Variants in STK32C observed in about 807,000 individuals in gnomAD.
STK32C encodes serine/threonine kinase 32C.
In STK32C, 31 loss-of-function variants were observed where a neutral mutation model predicts 56.5. That is an observed-to-expected ratio of 0.55 (90% CI 0.41 to 0.74). STK32C has a LOEUF of 0.74. STK32C is among the 30% of genes least tolerant of loss of function. The pLI is 0.00. For missense variants in STK32C, 544 were observed against 676.9 expected (o/e 0.80, Z 2.18); for synonymous variants, 309 against 289.4 (o/e 1.07, Z -0.69).
intron 1 of STK32C, among the ~76,000 whole-genome samples, chr10:132,248,257 G>A (rs1214073188): frequency 6.6e-6 from 1 of 152,216 alleles, no homozygotes; most frequent in Non-Finnish European, 1.5e-5. Context: ...CAGATGGGCT[G>A]AACTAGTGGA....
chr10:132,266,758 G>A (rs2138111309), intron 1 of STK32C, among the ~76,000 whole-genome samples: 1 of 151,864 alleles, frequency 6.6e-6, no homozygotes, highest in South Asian at 2.1e-4. Flanking sequence ...GGAAGGAGTG[G>A]ATCACAAATG....
In STK32C at chr10:132,318,328, T is replaced by C. The variant is rs117552292; in HGVS notation, c.301+13108A>G. 7.1e-4 allele frequency among the ~76,000 whole-genome samples: 106 copies of C among 149,912 alleles called. No homozygotes were observed. In the East Asian group the frequency reaches 0.02, roughly 28 times the overall value. ...TCTAATAAAAACGTAGGTAAAAGAC[T>C]TGGAAAACCAGGCACGGTGGCTCAC... On this transcript the variant is annotated intron_variant, in intron 1 of 3. Coordinates refer to the STK32C transcript ENST00000368620.
chr10:132,261,369 C>CA (rs1554989013), intron 1 of STK32C, among the ~76,000 whole-genome samples: 2 of 152,190 alleles, frequency 1.3e-5, no homozygotes, highest in Non-Finnish European at 2.9e-5. Flanking sequence ...ATCAAGAATA[C>CA]AATCCCATTT....
At chr10:132,217,500 G>A (rs2062508749) in intron 10 of STK32C, among the ~76,000 whole-genome samples, 2 of 152,164 alleles carry the variant, frequency 1.3e-5, no homozygotes, top group Admixed American at 1.3e-4. Flanking sequence ...GGGGACTGTT[G>A]GGAAGGCATG....
chr10:132,221,164 C>A (rs1266758862), intron 10 of STK32C, among the ~76,000 whole-genome samples: 1 of 151,868 alleles, frequency 6.6e-6, no homozygotes, highest in Non-Finnish European at 1.5e-5. Context: ...CCAAAGCCGG[C>A]ACACCTGGGC....
At chr10:132,258,657 C>T (rs1329493724) in intron 1 of STK32C, among the ~76,000 whole-genome samples, 2 of 152,266 alleles carry the variant, frequency 1.3e-5, no homozygotes, top group East Asian at 1.9e-4. Context: ...GGGCACCTAA[C>T]GCCCTGGGTA....
intron 1 of STK32C, chr10:132,249,011 T>C (rs1282391625): frequency 2.1e-6 from 1 of 465,704 alleles, no homozygotes; most frequent in Non-Finnish European, 4.3e-6. Flanking sequence ...GGCAATTGGG[T>C]CACCTGCGCC....
At chr10:132,312,054 T>C (rs973437306), upstream of STK32C, among the ~76,000 whole-genome samples, 1 of 152,180 alleles carries the variant, frequency 6.6e-6, no homozygotes, top group Non-Finnish European at 1.5e-5. Flanking sequence ...TTGCCCAGAC[T>C]GGAGTGCAGT....
chr10:132,295,603 A>G (rs1325511243), intron 1 of STK32C, among the ~76,000 whole-genome samples: 1 of 152,260 alleles, frequency 6.6e-6, no homozygotes, highest in Non-Finnish European at 1.5e-5. Flanking sequence ...GAAGAATTCC[A>G]GGCCGGGCGC....
chr10:132,220,197 C>T (rs2062590979), intron 10 of STK32C, among the ~76,000 whole-genome samples: 1 of 152,202 alleles, frequency 6.6e-6, no homozygotes, highest in Admixed American at 6.5e-5. Flanking sequence ...GCCTGGTGTC[C>T]TTATGAGAAG....
At chr10:132,327,616 C>G (rs527700233) in intron 1 of STK32C, among the ~76,000 whole-genome samples, 9 of 152,122 alleles carry the variant, frequency 5.9e-5, no homozygotes, top group African/African-American at 2.2e-4. Flanking sequence ...CCTGGAACTA[C>G]AGGTATGCAC....
chr10:132,326,957 A>G (rs952911022), intron 1 of STK32C, among the ~76,000 whole-genome samples: 1 of 152,262 alleles, frequency 6.6e-6, no homozygotes, highest in Non-Finnish European at 1.5e-5. Context: ...TGGCAGCTTC[A>G]CAATAAGGGA....
At chr10:132,281,110 T>C (rs7068692) in intron 1 of STK32C, among the ~76,000 whole-genome samples, 147,996 of 151,212 alleles carry the variant, frequency 0.98, 72,442 homozygotes, top group East Asian at 1. Context: ...TCCATGATCA[T>C]GCCACTGCAC....
intron 1 of STK32C, among the ~76,000 whole-genome samples, chr10:132,327,544 C>T (rs1352171812): frequency 1.3e-5 from 2 of 151,910 alleles, no homozygotes; most frequent in African/African-American, 2.4e-5. Context: ...GGCATGCTCT[C>T]GGCTCACTGC....
At chr10:132,227,140 C>A (rs2062918786) in intron 3 of STK32C, among the ~76,000 whole-genome samples, 172 bp from the exon 4 acceptor site, 1 of 152,270 alleles carries the variant, frequency 6.6e-6, no homozygotes. Context: ...CAGCCCAGAG[C>A]AGCTCTGAGC....
intron 10 of STK32C, among the ~76,000 whole-genome samples, chr10:132,210,114 C>T (rs1004984625): frequency 6.6e-6 from 1 of 152,220 alleles, no homozygotes. Flanking sequence ...TGGCCAGTGA[C>T]GGAAGCATCG....
chr10:132,210,900 G>A (rs1354741738), intron 10 of STK32C, among the ~76,000 whole-genome samples: 2 of 152,224 alleles, frequency 1.3e-5, no homozygotes, highest in Non-Finnish European at 2.9e-5. Context: ...CCCTGAGTGG[G>A]GACTGTCCCG....
Position 132,307,909 on chromosome 10 carries a change from C to A in STK32C, c.-76G>T. ...GCAGGGCCGGGAGCGGCAGTGGTAG[C>A]GGGAGCGCTCGGGGCCGGCAGCGCC... On this transcript the variant is annotated 5_prime_UTR_variant, in exon 1 of 12. Coordinates refer to ENST00000298630, the MANE Select transcript of STK32C (RefSeq NM_173575.4). The surrounding 1 kb of genome is among the most constrained non-coding windows in gnomAD (Gnocchi z 4.4). 2 of 1,093,176 alleles carry A rather than the reference C, an allele frequency of 1.8e-6. No homozygotes were observed. Among genetic ancestry groups the A allele is most frequent in the South Asian group, 4.5e-5 (2 of 44,732 alleles). The allele number at this position is 1,093,176 out of a possible 1,614,324, so 67.7% of individuals were successfully genotyped here.
chr10:132,269,119 C>T (rs1482711019), intron 1 of STK32C, among the ~76,000 whole-genome samples: 1 of 149,880 alleles, frequency 6.7e-6, no homozygotes, highest in Non-Finnish European at 1.5e-5. Context: ...GTGTGTGTGC[C>T]TGCGTGTGTA....
Sources: gnomAD v4.1 joint callset for allele counts (sites outside exome capture counted in the v4.1 genomes callset) on GRCh38, gnomAD v4.1.1 for gene constraint, Gnocchi (gnomAD v3.1) non-coding constraint, MANE v1.5 for transcripts, NCBI Gene and HGNC (gene_info 2026-07-23, HGNC 2026-07-21) for gene names.